MACROD2: variants seen among roughly 807,000 people sequenced by gnomAD.
MACROD2 encodes the protein mono-ADP ribosylhydrolase 2.
MACROD2 carries 36 observed loss-of-function variants against 70.4 expected under a neutral mutation model. That is an observed-to-expected ratio of 0.51 (90% confidence interval 0.39 to 0.68). The LOEUF is 0.68. MACROD2 is among the 30% of genes least tolerant of loss of function. The pLI, the probability that MACROD2 is intolerant of heterozygous loss-of-function variation, is 0.00. For missense variants in MACROD2, 496 were observed against 538.4 expected (o/e 0.92, Z 0.78); for synonymous variants, 172 against 178.8 (o/e 0.96, Z 0.30).
chr20:14,379,748 A>G (rs6105258), intron 3 of MACROD2, among the ~76,000 whole-genome samples: 3,687 of 152,186 alleles, frequency 0.024, 154 homozygotes, highest in African/African-American at 0.084. Context: ...GCTTAGCACA[A>G]TGCTTTTCAA....
chr20:15,104,399 A>G (rs1601080599), intron 5 of MACROD2, among the ~76,000 whole-genome samples: 1 of 152,150 alleles, frequency 6.6e-6, no homozygotes, highest in African/African-American at 2.4e-5. Flanking sequence ...CAGGACTTCC[A>G]GCCGTGAGGT....
At chr20:15,220,817 G>A (rs1159156381) in intron 5 of MACROD2, among the ~76,000 whole-genome samples, 1 of 152,210 alleles carries the variant, frequency 6.6e-6, no homozygotes. Flanking sequence ...AGTCAGAAAA[G>A]CACAGACCTG....
At chr20:14,640,936 T>A (rs1031595769) in intron 4 of MACROD2, among the ~76,000 whole-genome samples, 4 of 152,148 alleles carry the variant, frequency 2.6e-5, no homozygotes, top group African/African-American at 9.7e-5. Flanking sequence ...GGCAATTTCT[T>A]AAAATAAGAA....
At chr20:14,557,936 G>A (rs994061487) in intron 4 of MACROD2, among the ~76,000 whole-genome samples, 6 of 151,730 alleles carry the variant, frequency 4.0e-5, no homozygotes, top group African/African-American at 1.2e-4. Flanking sequence ...TCATACCAGT[G>A]TTATTCATAA....
chr20:15,169,997 T>C (rs1024937501), intron 5 of MACROD2, among the ~76,000 whole-genome samples: 6 of 152,238 alleles, frequency 3.9e-5, no homozygotes, highest in Non-Finnish European at 8.8e-5. Flanking sequence ...GTTAGTTTTA[T>C]GCTTTTGCTG....
intron 3 of MACROD2, among the ~76,000 whole-genome samples, chr20:14,096,455 C>G (rs1477999054): frequency 6.6e-6 from 1 of 150,702 alleles, no homozygotes; most frequent in Non-Finnish European, 1.5e-5. Context: ...CAATATCCTC[C>G]TCCCCAGTTC....
chr20:15,198,411 T>A (rs1315099765), intron 5 of MACROD2, among the ~76,000 whole-genome samples: 2 of 152,174 alleles, frequency 1.3e-5, no homozygotes, highest in Non-Finnish European at 2.9e-5. Context: ...TTAGAAGGCA[T>A]AATAAAAAGC....
intron 8 of MACROD2, among the ~76,000 whole-genome samples, chr20:15,743,511 C>T (rs1374207222): frequency 6.6e-6 from 1 of 152,092 alleles, no homozygotes. Context: ...TTTAAAATCC[C>T]ACTTGACTTC....
At chr20:14,496,441 GTTC>G (rs2084854085) in intron 4 of MACROD2, among the ~76,000 whole-genome samples, 1 of 152,106 alleles carries the variant, frequency 6.6e-6, no homozygotes, top group Non-Finnish European at 1.5e-5. Flanking sequence ...GCATTTTGTT[GTTC>G]TTTTCTGAGT....
intron 3 of MACROD2, among the ~76,000 whole-genome samples, chr20:14,247,746 A>C (rs1204066898): frequency 6.6e-6 from 1 of 152,228 alleles, no homozygotes; most frequent in Admixed American, 6.5e-5. Flanking sequence ...CATTCATAAC[A>C]GAACAAGAAA....
intron 5 of MACROD2, among the ~76,000 whole-genome samples, chr20:15,091,858 G>A (rs1004405006): frequency 2.0e-5 from 3 of 152,062 alleles, no homozygotes; most frequent in Non-Finnish European, 4.4e-5. Flanking sequence ...TTATTCACTA[G>A]TACTATACAC....
intron 2 of MACROD2, among the ~76,000 whole-genome samples, chr20:14,030,893 CAAATT>C (rs2053239047): frequency 6.6e-6 from 1 of 152,198 alleles, no homozygotes; most frequent in Admixed American, 6.5e-5. Context: ...TTTTGGGGAG[CAAATT>C]AAATAGATGA....
chr20:15,850,200 A>C (rs1169721503), intron 8 of MACROD2, among the ~76,000 whole-genome samples: 1 of 152,152 alleles, frequency 6.6e-6, no homozygotes, highest in African/African-American at 2.4e-5. Flanking sequence ...GACACAGAGC[A>C]TGCCACCAAG....
intron 3 of MACROD2, among the ~76,000 whole-genome samples, chr20:14,209,506 T>C (rs983250802): frequency 2.6e-5 from 4 of 152,184 alleles, no homozygotes; most frequent in African/African-American, 9.7e-5. Context: ...TAACATGTGA[T>C]ATTAATTAGG....
chr20:14,531,745 A>G (rs552110019), intron 4 of MACROD2, among the ~76,000 whole-genome samples: 1 of 152,330 alleles, frequency 6.6e-6, no homozygotes, highest in East Asian at 1.9e-4. Flanking sequence ...CATAGAAATT[A>G]AATGTCCTGC....
intron 8 of MACROD2, among the ~76,000 whole-genome samples, chr20:15,732,950 A>G (rs1029826931): frequency 1.2e-4 from 19 of 152,144 alleles, no homozygotes; most frequent in African/African-American, 4.6e-4. Context: ...AAGGTTATTA[A>G]TTATTGATTC....
At chr20:14,899,616 A>G (rs927252957) in intron 5 of MACROD2, among the ~76,000 whole-genome samples, 3 of 152,052 alleles carry the variant, frequency 2.0e-5, no homozygotes, top group African/African-American at 4.8e-5. Flanking sequence ...TGCCCTAATG[A>G]CCTCTGTTAA....
chr20:15,738,009 C>T (rs1229226218), intron 8 of MACROD2, among the ~76,000 whole-genome samples: 2 of 151,952 alleles, frequency 1.3e-5, no homozygotes, highest in African/African-American at 4.8e-5. Flanking sequence ...TTAAAACAAA[C>T]TCATGGAGAT....
intron 3 of MACROD2, among the ~76,000 whole-genome samples, chr20:14,195,654 G>A (rs368758037): frequency 6.6e-6 from 1 of 151,990 alleles, no homozygotes; most frequent in Non-Finnish European, 1.5e-5. Context: ...AGACAGAAGT[G>A]GCTGGACATT....
Sources: gnomAD v4.1 joint callset for allele counts (sites outside exome capture counted in the v4.1 genomes callset) on GRCh38, gnomAD v4.1.1 for gene constraint, MANE v1.5 for transcripts, NCBI Gene and HGNC (gene_info 2026-07-23, HGNC 2026-07-21) for gene names.